Variants in UBE2H observed in about 807,000 individuals in gnomAD.
UBE2H encodes ubiquitin-conjugating enzyme E2 H.
UBE2H carries 3 observed loss-of-function variants against 29.0 expected under a neutral mutation model. That is an observed-to-expected ratio of 0.10 (90% CI 0.05 to 0.27). The LOEUF is 0.27. Ranked by LOEUF, UBE2H falls within the 10% of genes least tolerant of loss-of-function variation. The pLI, the probability that UBE2H is intolerant of heterozygous loss-of-function variation, is 1.00. For missense variants in UBE2H, 68 were observed against 228.2 expected (o/e 0.30, Z 4.52); for synonymous variants, 69 against 82.9 (o/e 0.83, Z 0.91).
intron 3 of UBE2H, among the ~76,000 whole-genome samples, chr7:129,864,448 A>G (rs1447938757): frequency 6.6e-6 from 1 of 152,054 alleles, no homozygotes; most frequent in Non-Finnish European, 1.5e-5. Flanking sequence ...AAGAGAACAT[A>G]TTTTGAAAAC....
intron 1 of UBE2H, among the ~76,000 whole-genome samples, chr7:129,944,927 T>C (rs532907010): frequency 1.3e-5 from 2 of 151,446 alleles, no homozygotes; most frequent in Non-Finnish European, 2.9e-5. Context: ...TTGTGGTATA[T>C]CCACATAATA....
At chr7:129,850,998 A>T (rs1805599498) in intron 5 of UBE2H, among the ~76,000 whole-genome samples, 1 of 152,208 alleles carries the variant, frequency 6.6e-6, no homozygotes, top group South Asian at 2.1e-4. Context: ...GCTCAGGGCC[A>T]GGCTACCAGG....
At chr7:129,839,578 C>G in intron 5 of UBE2H, 1 of 410,596 alleles carries the variant, frequency 2.4e-6, no homozygotes, top group Non-Finnish European at 4.2e-6. Flanking sequence ...GGACAATTTT[C>G]CCAATTCTAT....
chr7:129,935,668 TTTTA>T (rs1345429752), intron 1 of UBE2H, among the ~76,000 whole-genome samples: 5 of 152,168 alleles, frequency 3.3e-5, no homozygotes, highest in African/African-American at 1.2e-4. Context: ...ACTAAGTCAT[TTTTA>T]TTTTTCTTTA....
chr7:129,852,584 T>C (rs1161381481), intron 5 of UBE2H, among the ~76,000 whole-genome samples: 1 of 152,244 alleles, frequency 6.6e-6, no homozygotes, highest in African/African-American at 2.4e-5. Context: ...AGGGGAAGAC[T>C]TTTCCCAAAT....
At chr7:129,868,609 A>AAAAG (rs1563027999) in intron 3 of UBE2H, among the ~76,000 whole-genome samples, 2 of 150,868 alleles carry the variant, frequency 1.3e-5, no homozygotes, top group African/African-American at 2.4e-5. Context: ...AAAAAAAAAA[A>AAAAG]AAAGAAAGAA....
At chr7:129,873,683 C>T in intron 3 of UBE2H, among the ~76,000 whole-genome samples, 1 of 151,918 alleles carries the variant, frequency 6.6e-6, no homozygotes. Flanking sequence ...AGTGATGTGC[C>T]CACTTCGGCC....
intron 3 of UBE2H, among the ~76,000 whole-genome samples, chr7:129,877,245 A>C (rs79699895): frequency 0.063 from 9,528 of 152,300 alleles, 371 homozygotes; most frequent in Non-Finnish European, 0.092. Flanking sequence ...GATTGTTTAA[A>C]AGCTCAAAAT....
chr7:129,891,148 T>A (rs1326598255), intron 1 of UBE2H, among the ~76,000 whole-genome samples: 2 of 150,406 alleles, frequency 1.3e-5, no homozygotes, highest in Non-Finnish European at 3.0e-5. Flanking sequence ...AAAAAAATAG[T>A]CAACTTATAA....
chr7:129,946,075 C>T (rs1423511928), intron 1 of UBE2H, among the ~76,000 whole-genome samples: 4 of 147,894 alleles, frequency 2.7e-5, no homozygotes, highest in African/African-American at 1.0e-4. Context: ...TTTTTTGAGA[C>T]GAAGTCTCAC....
intron 1 of UBE2H, among the ~76,000 whole-genome samples, chr7:129,905,974 A>C (rs903875264): frequency 7.2e-5 from 11 of 152,040 alleles, no homozygotes; most frequent in Admixed American, 5.9e-4. Flanking sequence ...CCAAAAAAAA[A>C]AGACTTATAC....
At chr7:129,937,718 T>C (rs1040765246) in intron 1 of UBE2H, among the ~76,000 whole-genome samples, 3 of 152,232 alleles carry the variant, frequency 2.0e-5, no homozygotes, top group African/African-American at 7.2e-5. Context: ...CTCCTTTCCT[T>C]CTTCCAACCA....
intron 1 of UBE2H, among the ~76,000 whole-genome samples, chr7:129,887,920 C>A (rs556644888): frequency 6.6e-5 from 10 of 151,980 alleles, no homozygotes; most frequent in Non-Finnish European, 1.2e-4. Context: ...AACAAAAAAA[C>A]CAAAGACTTT....
At chr7:129,914,137 C>T (rs1806996731) in intron 1 of UBE2H, among the ~76,000 whole-genome samples, 1 of 151,938 alleles carries the variant, frequency 6.6e-6, no homozygotes, top group African/African-American at 2.4e-5. Flanking sequence ...CAGCAGACAA[C>T]GTATCAAGTT....
At chr7:129,871,116 C>T (rs1408024747) in intron 3 of UBE2H, among the ~76,000 whole-genome samples, 2 of 152,156 alleles carry the variant, frequency 1.3e-5, no homozygotes, top group Admixed American at 6.5e-5. Flanking sequence ...GCTTTATCTT[C>T]GCACTCCAAA....
At chr7:129,853,845 T>C (rs1461482022) in intron 5 of UBE2H, among the ~76,000 whole-genome samples, 2 of 152,160 alleles carry the variant, frequency 1.3e-5, no homozygotes, top group African/African-American at 2.4e-5. Flanking sequence ...CTGTGAATTG[T>C]TGTTACGCTA....
chr7:129,950,107 G>C (rs1002467120), intron 1 of UBE2H, among the ~76,000 whole-genome samples: 1 of 152,136 alleles, frequency 6.6e-6, no homozygotes, highest in African/African-American at 2.4e-5. Context: ...GAATTCAACA[G>C]AGAAAGGAGG....
At position 129,929,528 on chromosome 7, in the gene UBE2H, T is replaced by C. The variant is rs552455565; in HGVS notation, c.53+22975A>G. 3.3e-5 allele frequency among the ~76,000 whole-genome samples: 5 copies of C among 151,892 alleles called. No homozygotes were observed. In the South Asian group the frequency reaches 1.0e-3, roughly 32 times the overall value. On this transcript the variant is annotated intron_variant, in intron 1 of 6. Coordinates refer to ENST00000355621, the MANE Select transcript of UBE2H (RefSeq NM_003344.4). Reference sequence around the variant, plus strand: ...TATGACTTATCACCATTTTAAGACATCTCAATTTCAAAGATGTTAAGATGT... The same window carrying C: ...TATGACTTATCACCATTTTAAGACACCTCAATTTCAAAGATGTTAAGATGT...
At chr7:129,950,625 C>T (rs938635453) in intron 1 of UBE2H, among the ~76,000 whole-genome samples, 10 of 152,216 alleles carry the variant, frequency 6.6e-5, no homozygotes, top group Non-Finnish European at 1.0e-4. Context: ...TCACAAACAG[C>T]TGGAATTGTC....
Sources: allele counts gnomAD v4.1 joint callset (sites outside exome capture counted in the v4.1 genomes callset), GRCh38; gene constraint gnomAD v4.1.1; transcripts MANE v1.5; gene names NCBI Gene and HGNC (gene_info 2026-07-23, HGNC 2026-07-21).